The following CNBD1 variants were observed in gnomAD, a reference collection of about 807,000 sequenced individuals.
CNBD1 encodes the protein cyclic nucleotide binding domain containing 1, also known as cyclic nucleotide-binding domain-containing protein 1.
CNBD1 carries 71 observed loss-of-function variants against 54.4 expected under a neutral mutation model. That is an observed-to-expected ratio of 1.30 (90% CI 1.08 to 1.59). The LOEUF (loss-of-function observed/expected upper bound fraction) is 1.59. Among genes scored for constraint, CNBD1 ranks in the 40% most tolerant of loss-of-function variants. The pLI is 0.00. For synonymous variants in CNBD1, 182 were observed against 170.7 expected (o/e 1.07, Z -0.51); for missense variants, 659 against 518.0 (o/e 1.27, Z -2.64).
chr8:87,218,369 A>G (rs1230681578), intron 5 of CNBD1, among the ~76,000 whole-genome samples: 1 of 152,116 alleles, frequency 6.6e-6, no homozygotes, highest in Non-Finnish European at 1.5e-5. Flanking sequence ...AATCTGAAAT[A>G]GATGTAGTTC....
chr8:87,175,777 G>T (rs1392215362), intron 4 of CNBD1, among the ~76,000 whole-genome samples: 1 of 152,176 alleles, frequency 6.6e-6, no homozygotes. Flanking sequence ...CTGGCTCCAA[G>T]CCAAGGTCAG....
rs374409987 is a variant in CNBD1 at position 87,391,105 on chromosome 8, G to A, written c.213+37319G>A. On this transcript the variant is annotated intron_variant, in intron 2 of 7. Transcript: ENST00000521593. ...GGGGCCTGTTGTGGGGTGGGGGAAGGGGGGAGGGATAGCATTAGGATATAT... is the reference window on the plus strand; with the variant it reads ...GGGGCCTGTTGTGGGGTGGGGGAAGAGGGGAGGGATAGCATTAGGATATAT... 3.9e-3 allele frequency among the ~76,000 whole-genome samples: 592 copies of A among 152,026 alleles called. 8 individuals are homozygous for A. Among genetic ancestry groups the A allele is most frequent in the African/African-American group, 0.013 (556 of 41,466 alleles).
intron 8 of CNBD1, among the ~76,000 whole-genome samples, chr8:87,301,132 C>T (rs1452582407): frequency 6.6e-6 from 1 of 151,910 alleles, no homozygotes; most frequent in Non-Finnish European, 1.5e-5. Flanking sequence ...AAAATACAAC[C>T]CTCCTAGCTT....
intron 10 of CNBD1, among the ~76,000 whole-genome samples, chr8:87,379,953 A>G (rs988387700): frequency 2.0e-5 from 3 of 151,934 alleles, no homozygotes; most frequent in Non-Finnish European, 4.4e-5. Context: ...CCAGTTAGAA[A>G]CATTTACCAA....
chr8:87,363,895 T>G (rs950284710), intron 10 of CNBD1, among the ~76,000 whole-genome samples: 5 of 152,100 alleles, frequency 3.3e-5, no homozygotes, highest in Non-Finnish European at 7.3e-5. Context: ...TTTGTTGTCA[T>G]TGCTTTTGGT....
chr8:87,292,698 T>A (rs531849095), intron 8 of CNBD1, among the ~76,000 whole-genome samples: 1 of 152,314 alleles, frequency 6.6e-6, no homozygotes, highest in East Asian at 1.9e-4. Flanking sequence ...TGTTCTAGAA[T>A]CCTTTGTAAA....
intron 4 of CNBD1, among the ~76,000 whole-genome samples, chr8:87,029,420 T>C (rs989956944): frequency 1.3e-5 from 2 of 152,212 alleles, no homozygotes; most frequent in African/African-American, 4.8e-5. Flanking sequence ...ACCAAACTTA[T>C]TCCAATTTTT....
At chr8:87,156,014 G>C (rs954794693) in intron 4 of CNBD1, among the ~76,000 whole-genome samples, 7 of 151,758 alleles carry the variant, frequency 4.6e-5, no homozygotes, top group African/African-American at 1.7e-4. Flanking sequence ...ACTAGAAATG[G>C]CATCCTAGGA....
At chr8:87,002,327 G>A (rs112613695) in intron 4 of CNBD1, among the ~76,000 whole-genome samples, 31 of 152,102 alleles carry the variant, frequency 2.0e-4, no homozygotes, top group African/African-American at 5.5e-4. Context: ...ATTGTTCTTC[G>A]CATAGTGGCC....
rs113714414 is a variant in CNBD1 at position 86,982,900 on chromosome 8, C to G, written c.431+43146C>G. Among the ~76,000 whole-genome samples the G allele has an allele frequency of 5.4e-3, 816 of 152,226 alleles. 6 individuals are homozygous for G. Among genetic ancestry groups the G allele is most frequent in the African/African-American group, 0.019 (775 of 41,552 alleles). On this transcript the variant is annotated intron_variant, in intron 4 of 10. Transcript: ENST00000518476. ...GAATTGACATTCTAACAAAGCTAAT[C>G]CATTAGCATATTATCTTTCTCCACT...
intron 4 of CNBD1, among the ~76,000 whole-genome samples, chr8:87,132,808 CAT>C (rs202216215): frequency 2.1e-5 from 3 of 145,390 alleles, no homozygotes; most frequent in South Asian, 2.1e-4. Context: ...TATATATATA[CAT>C]ATATATATAC....
At chr8:87,022,122 G>T (rs1471938454) in intron 4 of CNBD1, among the ~76,000 whole-genome samples, 4 of 152,168 alleles carry the variant, frequency 2.6e-5, no homozygotes, top group Non-Finnish European at 4.4e-5. Flanking sequence ...GGTAGTAAAA[G>T]AATTTACTGA....
At chr8:86,969,596 G>C (rs1405107627) in intron 4 of CNBD1, among the ~76,000 whole-genome samples, 1 of 151,916 alleles carries the variant, frequency 6.6e-6, no homozygotes, top group Admixed American at 6.6e-5. Flanking sequence ...CAGATTACCA[G>C]TAGAAAAGGC....
At chr8:87,411,396 T>TA (rs1807738971) in intron 2 of CNBD1, among the ~76,000 whole-genome samples, 1 of 19,190 alleles carries the variant, frequency 5.2e-5, no homozygotes, top group African/African-American at 4.2e-4. Flanking sequence ...CCTAGCTATA[T>TA]CATATATATA....
intron 2 of CNBD1, among the ~76,000 whole-genome samples, chr8:86,893,845 C>T (rs1045938329): frequency 4.0e-5 from 6 of 151,838 alleles, no homozygotes; most frequent in African/African-American, 1.4e-4. Flanking sequence ...TAATTAGATT[C>T]TGCTGTTCCA....
intron 4 of CNBD1, among the ~76,000 whole-genome samples, chr8:87,153,820 G>A (rs1812655643): frequency 6.6e-6 from 1 of 152,158 alleles, no homozygotes; most frequent in Non-Finnish European, 1.5e-5. Flanking sequence ...TTTGAGAGCT[G>A]TACAAGAACA....
chr8:87,331,874 T>C (rs1196105752), intron 8 of CNBD1, among the ~76,000 whole-genome samples: 1 of 152,208 alleles, frequency 6.6e-6, no homozygotes, highest in Non-Finnish European at 1.5e-5. Context: ...TTGAGAAGTG[T>C]CTGTTCATAT....
chr8:86,867,603 G>C (rs1016986542), intron 1 of CNBD1, among the ~76,000 whole-genome samples: 7 of 152,138 alleles, frequency 4.6e-5, no homozygotes, highest in South Asian at 2.1e-4. Context: ...TTGTATTATA[G>C]TGAAAATAAT....
At position 87,267,805 on chromosome 8, in the gene CNBD1, A is replaced by C. The variant is rs1808292349; in HGVS notation, c.772-16873A>C. On this transcript the variant is annotated intron_variant, in intron 6 of 10. Coordinates refer to ENST00000518476, the MANE Select transcript of CNBD1 (RefSeq NM_173538.3). ...GTAATTCATTTTATCATTATTTTTC[A>C]ATGGATATATGATTATAAAAGTAGA... 3.5e-5 allele frequency among the ~76,000 whole-genome samples: 5 copies of C among 142,190 alleles called. No individual in the cohort carries two copies. In the Admixed American group the frequency reaches 3.6e-4, roughly 10 times the overall value. 93.3% of individuals were successfully genotyped at this position (142,190 alleles called of 152,430 possible). A position where few individuals can be genotyped will look rare whatever the true frequency, so the allele number is the denominator to read the frequency against.
Sources: gnomAD v4.1 joint callset for allele counts (sites outside exome capture counted in the v4.1 genomes callset) on GRCh38, gnomAD v4.1.1 for gene constraint, MANE v1.5 for transcripts, NCBI Gene and HGNC (gene_info 2026-07-23, HGNC 2026-07-21) for gene names.